The following MCC variants were observed in gnomAD, a reference collection of about 807,000 sequenced individuals.
The protein encoded by MCC is colorectal mutant cancer protein.
Under a neutral mutation model 116.2 loss-of-function variants are expected in MCC, and 90 were observed. The observed-to-expected ratio is 0.77, with a 90% CI of 0.65 to 0.92. The LOEUF (loss-of-function observed/expected upper bound fraction) is 0.92. Among genes scored for constraint, MCC ranks in the 40% least tolerant of loss-of-function variants. MCC has a pLI of 0.00. For missense variants in MCC, 1,516 were observed against 1,312.2 expected (o/e 1.16, Z -2.40); for synonymous variants, 578 against 510.5 (o/e 1.13, Z -1.78).
intron 5 of MCC, among the ~76,000 whole-genome samples, chr5:113,132,423 C>CACACATATATATATAT (rs1561384956): frequency 1.0e-4 from 13 of 130,176 alleles, no homozygotes; most frequent in African/African-American, 3.5e-4. Flanking sequence ...TATATACACA[C>CACACATATATATATAT]ATACATATAT....
intron 3 of MCC, among the ~76,000 whole-genome samples, chr5:113,225,726 A>G (rs1347565788): frequency 6.6e-6 from 1 of 152,256 alleles, no homozygotes; most frequent in Non-Finnish European, 1.5e-5. Context: ...GTATAGTCAC[A>G]AACACAGGCT....
At chr5:113,049,581 G>T (rs889622656) in intron 15 of MCC, among the ~76,000 whole-genome samples, 61 of 152,184 alleles carry the variant, frequency 4.0e-4, no homozygotes, top group African/African-American at 1.4e-3. Flanking sequence ...TTCAATATAG[G>T]GAAAACCTTT....
chr5:113,187,579 C>A (rs182480500), intron 3 of MCC, among the ~76,000 whole-genome samples: 262 of 152,060 alleles, frequency 1.7e-3, no homozygotes, highest in African/African-American at 6.0e-3. Context: ...TACTGTGAAA[C>A]CCCGTCTCTA....
In MCC at chr5:113,333,377, C is replaced by A. The variant is rs180993768; in HGVS notation, c.627+7142G>T. ...CGATTTTCAATTCACAGGTGTTAAA[C>A]CAGCCTAAAGTAAAAAGGCTGCTTG... On this transcript the variant is annotated intron_variant, in intron 3 of 18. Transcript: ENST00000408903. Among the ~76,000 whole-genome samples, 200 of 151,708 alleles carry A rather than the reference C, an allele frequency of 1.3e-3. 11 individuals carry two copies. Among genetic ancestry groups the A allele is most frequent in the African/African-American group, 4.6e-3 (188 of 41,028 alleles).
intron 17 of MCC, among the ~76,000 whole-genome samples, chr5:113,034,479 A>C (rs1346173436): frequency 5.3e-5 from 8 of 151,710 alleles, no homozygotes; most frequent in Non-Finnish European, 1.2e-4. Context: ...CCAATTGAGG[A>C]GCTGCAGGAG....
intron 3 of MCC, among the ~76,000 whole-genome samples, chr5:113,241,556 A>T (rs1422547592): frequency 6.6e-6 from 1 of 152,218 alleles, no homozygotes; most frequent in Non-Finnish European, 1.5e-5. Flanking sequence ...TTATTTAGAG[A>T]GAGATTGGAC....
Position 113,055,590 on chromosome 5 carries a change from G to C in MCC, c.2214-1631C>G, listed in dbSNP as rs113679641. On this transcript the variant is annotated intron_variant, in intron 14 of 18. Coordinates refer to ENST00000408903, the MANE Select transcript of MCC (RefSeq NM_001085377.2). ...ACTCCTGAGCACTAGAAACCCTTTG[G>C]GGCTGCGTCTCACTCCCTCTGTACC... is the stretch of plus-strand genomic sequence containing the variant. Among the ~76,000 whole-genome samples, 937 of 152,262 alleles carry C rather than the reference G, an allele frequency of 6.2e-3. 12 individuals are homozygous for C. The highest frequency in any genetic ancestry group is 0.022 in the African/African-American group (895 of 41,534).
intron 2 of MCC, among the ~76,000 whole-genome samples, chr5:113,367,066 G>T (rs1329713947): frequency 6.6e-6 from 1 of 152,132 alleles, no homozygotes; most frequent in Non-Finnish European, 1.5e-5. Flanking sequence ...CTCCCAAAGT[G>T]TTGGGATTAC....
intron 11 of MCC, among the ~76,000 whole-genome samples, chr5:113,076,298 A>T (rs1754450553): frequency 6.6e-6 from 1 of 152,202 alleles, no homozygotes; most frequent in Non-Finnish European, 1.5e-5. Context: ...ACATTCAGGA[A>T]ATACAGAGAA....
chr5:113,210,498 C>T (rs1763092208), intron 3 of MCC, among the ~76,000 whole-genome samples: 1 of 152,064 alleles, frequency 6.6e-6, no homozygotes, highest in Admixed American at 6.5e-5. Flanking sequence ...ATGTGTATCC[C>T]CAGACTCAGT....
chr5:113,045,030 C>T (rs1358023446), intron 16 of MCC, among the ~76,000 whole-genome samples: 5 of 152,200 alleles, frequency 3.3e-5, no homozygotes, highest in African/African-American at 4.8e-5. Context: ...GGCCGCCTTC[C>T]ACCTCCTCTC....
chr5:113,425,419 G>A (rs561220514), intron 1 of MCC, among the ~76,000 whole-genome samples: 5 of 147,074 alleles, frequency 3.4e-5, no homozygotes, highest in Middle Eastern at 3.5e-3. Flanking sequence ...ACAAGAAAGA[G>A]AAACACAGTA....
At chr5:113,355,085 A>G (rs1011644240) in intron 2 of MCC, among the ~76,000 whole-genome samples, 2 of 152,168 alleles carry the variant, frequency 1.3e-5, no homozygotes, top group Admixed American at 6.5e-5. Context: ...GGCATAAGAA[A>G]AAAATCCTAA....
chr5:113,036,141 G>C (rs1213098101), intron 17 of MCC, among the ~76,000 whole-genome samples: 1 of 145,170 alleles, frequency 6.9e-6, no homozygotes, highest in Non-Finnish European at 1.5e-5. Context: ...GGGTTCAAGT[G>C]ATTCTCCTGC....
chr5:113,082,776 A>G (rs1303218472), intron 11 of MCC, 84 bp downstream of exon 11: 5 of 1,535,516 alleles, frequency 3.3e-6, no homozygotes, highest in Non-Finnish European at 4.4e-6. Context: ...TACATAAGCC[A>G]CCTTGAACAG....
chr5:113,137,627 A>T (rs539354753), intron 5 of MCC, among the ~76,000 whole-genome samples: 2 of 152,002 alleles, frequency 1.3e-5, no homozygotes, highest in African/African-American at 4.8e-5. Context: ...CTCTATTTTC[A>T]TTAGTGATAT....
chr5:113,177,397 G>A (rs758278834), intron 3 of MCC, among the ~76,000 whole-genome samples: 95 of 152,318 alleles, frequency 6.2e-4, no homozygotes, highest in Non-Finnish European at 9.8e-4. Flanking sequence ...AGGCGTTGGA[G>A]GTCATTGTGT....
chr5:113,472,874 T>TAAATTCC (rs1772130971), intron 1 of MCC, among the ~76,000 whole-genome samples: 1 of 152,194 alleles, frequency 6.6e-6, no homozygotes, highest in Admixed American at 6.5e-5. Context: ...ATCAAAATGC[T>TAAATTCC]ATTTGGGAGT....
At chr5:113,073,523 C>T (rs1245599691) in intron 11 of MCC, among the ~76,000 whole-genome samples, 1 of 152,200 alleles carries the variant, frequency 6.6e-6, no homozygotes, top group Admixed American at 6.5e-5. Context: ...TGAGCCAGCC[C>T]CTGCTCTGCC....
Sources: allele counts gnomAD v4.1 joint callset (sites outside exome capture counted in the v4.1 genomes callset), GRCh38; gene constraint gnomAD v4.1.1; transcripts MANE v1.5; gene names NCBI Gene and HGNC (gene_info 2026-07-23, HGNC 2026-07-21).